MAST4: variants seen among roughly 807,000 people sequenced by gnomAD.
MAST4 encodes the protein microtubule associated serine/threonine kinase family member 4.
A neutral mutation model predicts 162.7 loss-of-function variants in MAST4; 89 were observed. That is an observed-to-expected ratio of 0.55 (90% CI 0.46 to 0.65). MAST4 has a LOEUF of 0.65. MAST4 is among the 30% of genes least tolerant of loss of function. The pLI is 0.00. For synonymous variants in MAST4, 1,479 were observed against 1,361.1 expected, an observed-to-expected ratio of 1.09 and a Z score of -1.91; for missense variants, 3,153 against 3,374.0, an observed-to-expected ratio of 0.93 and a Z score of 1.62.
At position 66,648,034 on chromosome 5, in the gene MAST4, ATGTGTGTGTGTGTGTGTG is replaced by A. The variant is rs745965169; in HGVS notation, c.363+51049_363+51066del. On this transcript the variant is annotated intron_variant, in intron 1 of 28. Transcript: ENST00000403625. ...AATGTAGGCCTGTGTGTGTTAGGTA[ATGTGTGTGTGTGTGTGTG>A]TGTGTGTGTGTGTGTGTGTGTGTGT... is the stretch of plus-strand genomic sequence containing the variant. Among the ~76,000 whole-genome samples the A allele has an allele frequency of 3.4e-3, 399 of 119,026 alleles. 3 individuals carry two copies. Among genetic ancestry groups the A allele is most frequent in the South Asian group, 9.7e-3 (31 of 3,204 alleles). 78.1% of individuals were successfully genotyped at this position (119,026 alleles called of 152,430 possible). A position where few individuals can be genotyped will look rare whatever the true frequency, so the allele number is the denominator to read the frequency against.
chr5:66,596,853 G>A lies in MAST4; in HGVS notation c.198G>A (p.Pro66=). 2.3e-6 allele frequency: 3 copies of A among 1,295,076 alleles called. No homozygotes were observed. The highest frequency in any genetic ancestry group is 2.8e-5 in the South Asian group (1 of 36,152). The allele number at this position is 1,295,076 out of a possible 1,614,324, so 80.2% of individuals were successfully genotyped here. A position where few individuals can be genotyped will look rare whatever the true frequency, so the allele number is the denominator to read the frequency against. ...CCAGAGAGCATCAGCCGCCGCCGCC[G>A]CCGCCGTTGGGAGGCACCCTGGGCG... ...GFSREHQPPP[P]PPLGGTLGAR... The change falls in exon 1 of 29, where the codon CCG becomes CCA. Residue 66 remains proline (P), a synonymous_variant. Coordinates refer to ENST00000403625, the MANE Select transcript of MAST4 (RefSeq NM_001164664.2).
Position 66,743,617 on chromosome 5 carries a change from C to T in MAST4, c.364-16092C>T, listed in dbSNP as rs114837393. 5.1e-3 allele frequency among the ~76,000 whole-genome samples: 771 copies of T among 152,144 alleles called. 7 individuals are homozygous for T. Among genetic ancestry groups the T allele is most frequent in the African/African-American group, 0.017 (703 of 41,490 alleles). On this transcript the variant is annotated intron_variant, in intron 1 of 28. Coordinates refer to ENST00000403625, the MANE Select transcript of MAST4 (RefSeq NM_001164664.2). Reference sequence around the variant, plus strand: ...GTGCAGGACGCTGGGCACAGGGTGGCCCCCAGACCTGGAGTTCTGGGGACA... The same window carrying T: ...GTGCAGGACGCTGGGCACAGGGTGGTCCCCAGACCTGGAGTTCTGGGGACA...
At chr5:67,117,327 C>A (rs1488057723) in intron 12 of MAST4, among the ~76,000 whole-genome samples, 1 of 152,058 alleles carries the variant, frequency 6.6e-6, no homozygotes, top group Admixed American at 6.5e-5. Flanking sequence ...GGAATTTCCC[C>A]TATAGGTAAA....
chr5:67,060,698 C>T (rs932698928), intron 5 of MAST4, among the ~76,000 whole-genome samples: 8 of 151,916 alleles, frequency 5.3e-5, no homozygotes, highest in African/African-American at 1.2e-4. Context: ...AGGATGGTCT[C>T]GATCTCCTGA....
At chr5:67,142,680 C>T in intron 21 of MAST4, 147 bp downstream of exon 21, 1 of 611,716 alleles carries the variant, frequency 1.6e-6, no homozygotes, top group East Asian at 2.8e-5. Flanking sequence ...AGAAAAGTGA[C>T]CTCCTCAACT....
chr5:66,849,707 T>C (rs1204403584), intron 3 of MAST4, among the ~76,000 whole-genome samples: 1 of 152,188 alleles, frequency 6.6e-6, no homozygotes, highest in Non-Finnish European at 1.5e-5. Context: ...TCAAGAAAAT[T>C]GTCTTGCCCC....
At chr5:66,897,503 A>G (rs16895870) in intron 3 of MAST4, among the ~76,000 whole-genome samples, 25,907 of 152,174 alleles carry the variant, frequency 0.17, 3,229 homozygotes, top group African/African-American at 0.34. Context: ...GTATTTGCAG[A>G]CTTTTGCAGC....
At chr5:67,128,248 A>G (rs1768501205) in intron 14 of MAST4, among the ~76,000 whole-genome samples, 1 of 152,192 alleles carries the variant, frequency 6.6e-6, no homozygotes, top group Non-Finnish European at 1.5e-5. Flanking sequence ...CTGGCCAGCA[A>G]AACAGGTGTG....
intron 24 of MAST4, among the ~76,000 whole-genome samples, chr5:67,151,771 T>C (rs553970849): frequency 8.3e-5 from 12 of 145,126 alleles, no homozygotes; most frequent in Non-Finnish European, 1.4e-4. Context: ...TTTTTTCTTT[T>C]TTTTTTTTTT....
At chr5:66,799,449 G>C (rs1452154600) in intron 3 of MAST4, among the ~76,000 whole-genome samples, 9 of 152,176 alleles carry the variant, frequency 5.9e-5, no homozygotes, top group African/African-American at 2.2e-4. Context: ...TGCCTAAAGA[G>C]CTCAGGAAAA....
At position 66,788,529 on chromosome 5, in the gene MAST4, C is replaced by T. The variant is rs75077338; in HGVS notation, c.518-141C>T. ...AATTAGAACAAGTTTTCCCAGGTTG[C>T]TATTAATGTTATTACTGGGTATGGC... On this transcript the variant is annotated intron_variant, in intron 2 of 28. Transcript: ENST00000403625. The T allele has an allele frequency of 2.3e-3, 2,576 of 1,107,740 alleles. 47 individuals are homozygous for T. In the African/African-American group the frequency reaches 0.034, roughly 14 times the overall value. The allele number at this position is 1,107,740 out of a possible 1,614,324, so 68.6% of individuals were successfully genotyped here. A position where few individuals can be genotyped will look rare whatever the true frequency, so the allele number is the denominator to read the frequency against.
chr5:66,692,334 A>C (rs908448607), intron 1 of MAST4, among the ~76,000 whole-genome samples: 6 of 151,374 alleles, frequency 4.0e-5, no homozygotes, highest in African/African-American at 1.5e-4. Flanking sequence ...GTCTCCCTAT[A>C]TAAGCTCTTT....
rs1221149410 is a variant in MAST4 at position 67,166,251 on chromosome 5, C to T, written c.7072C>T (p.Pro2358Ser). ...AGACAACAGACAGACAGACAAAAGC[C>T]CGAGTCAGCCGGCCGCCAACACCGA... The part of the protein sequence containing the change: ...QTDNRQTDKS[P>S]SQPAANTDRR... The change falls in exon 29 of 29, where the codon CCG becomes TCG. Residue 2358 changes from proline to serine, a missense_variant. Physicochemically the swap from Pro to Ser is moderately conservative, Grantham distance 74 (BLOSUM62 -1). Transcript: ENST00000403625. 6.4e-7 allele frequency: 1 copy of T among 1,552,824 alleles called. No homozygotes were observed. Among genetic ancestry groups the T allele is most frequent in the East Asian group, 2.4e-5 (1 of 40,998 alleles).
chr5:66,696,354 C>CT (rs1413540541), intron 1 of MAST4, among the ~76,000 whole-genome samples: 1 of 150,754 alleles, frequency 6.6e-6, no homozygotes, highest in African/African-American at 2.4e-5. Context: ...TATCCCAGAA[C>CT]TTTAAAAAAA....
chr5:66,940,826 C>T (rs572088618), intron 4 of MAST4, among the ~76,000 whole-genome samples: 36 of 152,114 alleles, frequency 2.4e-4, no homozygotes, highest in African/African-American at 7.0e-4. Flanking sequence ...TCATTATAGC[C>T]GCCATAAACT....
chr5:66,850,370 A>G (rs1161526566), intron 3 of MAST4, among the ~76,000 whole-genome samples: 3 of 152,232 alleles, frequency 2.0e-5, no homozygotes, highest in Non-Finnish European at 1.5e-5. Flanking sequence ...ATAGTTGTCA[A>G]ACATTCCTTT....
In MAST4 at chr5:66,862,449, C is replaced by G. The variant is rs1760187677; in HGVS notation, c.643-37502C>G. ...TTCAGTCAGTAATTACAGCCATAAA[C>G]TTATTGTCTATGGTAAAATATGTTA... On this transcript the variant is annotated intron_variant, in intron 3 of 28. Transcript: ENST00000403625. 5.3e-5 allele frequency among the ~76,000 whole-genome samples: 8 copies of G among 152,222 alleles called. 1 individual carries two copies. In the South Asian group the frequency reaches 1.7e-3, roughly 32 times the overall value.
intron 1 of MAST4, among the ~76,000 whole-genome samples, chr5:66,673,517 TTTTTTG>T (rs1747745023): frequency 6.2e-5 from 8 of 129,482 alleles, no homozygotes; most frequent in Admixed American, 6.1e-4. Context: ...GTTTTTTTTG[TTTTTTG>T]TTTTTTGTTT....
intron 1 of MAST4, among the ~76,000 whole-genome samples, chr5:66,709,646 C>T (rs1334720900): frequency 6.6e-6 from 1 of 152,120 alleles, no homozygotes; most frequent in African/African-American, 2.4e-5. Context: ...GCCAAATTGG[C>T]ATTCTGGCTC....
Sources: gnomAD v4.1 joint callset for allele counts (sites outside exome capture counted in the v4.1 genomes callset) on GRCh38, gnomAD v4.1.1 for gene constraint, MANE v1.5 for transcripts, NCBI Gene and HGNC (gene_info 2026-07-23, HGNC 2026-07-21) for gene names.